PRC1: variants seen among roughly 807,000 people sequenced by gnomAD.
PRC1 encodes anaphase spindle elongation 1 homolog.
PRC1 carries 54 observed loss-of-function variants against 91.2 expected under a neutral mutation model. That is an observed-to-expected ratio of 0.59 (90% CI 0.48 to 0.74). The LOEUF is 0.74. Ranked by LOEUF, PRC1 falls within the 30% of genes least tolerant of loss-of-function variation. PRC1 has a pLI of 0.00. For synonymous variants in PRC1, 275 were observed against 263.6 expected, an observed-to-expected ratio of 1.04 and a Z score of -0.42; for missense variants, 727 against 746.2, an observed-to-expected ratio of 0.97 and a Z score of 0.30.
rs1484637750 is a variant in PRC1 at position 90,974,095 on chromosome 15, C to T, written c.1461+41G>A. ...AGAGGTGGCTGGGACTACCCTCACC[C>T]ACTCCCTTGAAATCAGTGTTTCCCT... On this transcript the variant is annotated intron_variant, in intron 11 of 14. Transcript: ENST00000394249. The surrounding 1 kb of genome is among the most constrained non-coding windows in gnomAD (Gnocchi z 4.6). The T allele has an allele frequency of 6.4e-7, 1 of 1,565,052 alleles. No homozygotes were observed. Among genetic ancestry groups the T allele is most frequent in the Non-Finnish European group, 8.8e-7 (1 of 1,135,934 alleles).
chr15:90,974,492 C>G lies in PRC1; in HGVS notation c.1350+93G>C. On this transcript the variant is annotated intron_variant, in intron 10 of 14. Coordinates refer to ENST00000394249, the MANE Select transcript of PRC1 (RefSeq NM_003981.4). The surrounding 1 kb of genome is among the most constrained non-coding windows in gnomAD (Gnocchi z 4.6). Reference sequence around the variant, plus strand: ...TCCACAAGCCCCGGTCCCCGGCTCCCTGTTCCACAAACCCTGGTCCCCGGC... The same window carrying G: ...TCCACAAGCCCCGGTCCCCGGCTCCGTGTTCCACAAACCCTGGTCCCCGGC... The G allele has an allele frequency of 6.4e-7, 1 of 1,551,228 alleles. No homozygotes were observed. The highest frequency in any genetic ancestry group is 8.8e-7 in the Non-Finnish European group (1 of 1,139,288).
chr15:90,966,398 C>G lies in PRC1; in HGVS notation c.*733G>C. ...AGACTCCCAATGTGGCTGGCAACTG[C>G]GGGGGTAGAAGAACTCAGGCAAAGT... On this transcript the variant is annotated 3_prime_UTR_variant, in exon 15 of 15. Transcript: ENST00000394249. 2.9e-6 allele frequency: 1 copy of G among 340,276 alleles called. No homozygotes were observed. The highest frequency in any genetic ancestry group is 5.9e-6 in the Non-Finnish European group (1 of 168,764). 21.1% of individuals were successfully genotyped at this position (340,276 alleles called of 1,614,324 possible). A position where few individuals can be genotyped will look rare whatever the true frequency, so the allele number is the denominator to read the frequency against.
chr15:90,984,644 C>A lies in PRC1; in HGVS notation c.144+49G>T. 6.2e-7 allele frequency: 1 copy of A among 1,604,930 alleles called. No homozygotes were observed. Among genetic ancestry groups the A allele is most frequent in the African/African-American group, 1.3e-5 (1 of 74,686 alleles). ...CTGTATGCTATCTCGGGTGAGACACCAACATCCTTACCCTGGTCCAATGCA... is the reference window on the plus strand; with the variant it reads ...CTGTATGCTATCTCGGGTGAGACACAAACATCCTTACCCTGGTCCAATGCA... On this transcript the variant is annotated intron_variant, in intron 2 of 14. Coordinates refer to ENST00000394249, the MANE Select transcript of PRC1 (RefSeq NM_003981.4). This position sits in a 1 kb window ranked among gnomAD's most constrained non-coding sequence, Gnocchi z 5.1.
rs2037527547 is a variant in PRC1, at chr15:90,966,757, A to G, written c.*374T>C. 1.2e-5 allele frequency: 5 copies of G among 431,938 alleles called. No individual in the cohort carries two copies. The highest frequency in any genetic ancestry group is 8.7e-5 in the South Asian group (5 of 57,342). The allele number at this position is 431,938 out of a possible 1,614,324, so 26.8% of individuals were successfully genotyped here. A position where few individuals can be genotyped will look rare whatever the true frequency, so the allele number is the denominator to read the frequency against. On this transcript the variant is annotated 3_prime_UTR_variant, in exon 15 of 15. Transcript: ENST00000394249. ...AAGATGTTAATTACTAGTTACAGGT[A>G]TACATGCCAAAATTACCCCCAGGGA...
chr15:90,982,183 T>C (rs2039249269), intron 3 of PRC1: 2 of 591,198 alleles, frequency 3.4e-6, no homozygotes, highest in African/African-American at 1.9e-5. Flanking sequence ...CAGGGTACTT[T>C]TCCCCCCAAT....
chr15:90,981,477 G>A (rs2039188910), intron 5 of PRC1, 22 bp downstream of exon 5: 1 of 1,612,706 alleles, frequency 6.2e-7, no homozygotes, highest in African/African-American at 1.3e-5. Flanking sequence ...AGATCCTAGG[G>A]CATAATTTGA....
At chr15:90,977,637 G>A (rs1008219381) in intron 8 of PRC1, among the ~76,000 whole-genome samples, 1 of 136,454 alleles carries the variant, frequency 7.3e-6, no homozygotes, top group African/African-American at 2.8e-5. Flanking sequence ...AGGCTGGAGT[G>A]CAGTGGTGCG....
At position 90,981,044 on chromosome 15, in the gene PRC1, G is replaced by T. The variant is rs2039154023; in HGVS notation, c.673-11C>A. The T allele has an allele frequency of 6.2e-7, 1 of 1,613,804 alleles. No individual in the cohort carries two copies. The highest frequency in any genetic ancestry group is 8.5e-7 in the Non-Finnish European group (1 of 1,179,976). ...TTTCTGCATTTCCAGCTACAGCATAGAAAGCCAGTGTCACTCACGGCAAAG... is the reference window on the plus strand; with the variant it reads ...TTTCTGCATTTCCAGCTACAGCATATAAAGCCAGTGTCACTCACGGCAAAG... On this transcript the variant is annotated splice_polypyrimidine_tract_variant and intron_variant, in intron 5 of 14. Coordinates refer to ENST00000394249, the MANE Select transcript of PRC1 (RefSeq NM_003981.4).
intron 8 of PRC1, among the ~76,000 whole-genome samples, chr15:90,977,587 T>G (rs1445257602): frequency 1.4e-5 from 2 of 144,360 alleles, no homozygotes; most frequent in African/African-American, 5.2e-5. Context: ...TTTTTTTTTT[T>G]TTTTTTTTTT....
In PRC1 at chr15:90,974,647, C is replaced by G; in HGVS notation, c.1288G>C (p.Glu430Gln). The change falls in exon 10 of 15, where the codon GAG becomes CAG. Residue 430 changes from glutamate to glutamine, a missense_variant. By Grantham distance (29) the Glu-to-Gln change is conservative (BLOSUM62 2). Coordinates refer to ENST00000394249, the MANE Select transcript of PRC1 (RefSeq NM_003981.4). The surrounding 1 kb of genome is among the most constrained non-coding windows in gnomAD (Gnocchi z 4.6). Reference protein sequence around the residue: ...AFMVNGQKFMEYVAEQWEMHR... With the variant: ...AFMVNGQKFMQYVAEQWEMHR... ...ATCTCCCATTGTTCTGCCACATACT[C>G]CATGAATTTCTGCCCATTCACCATA... 1 of 1,614,230 alleles carries G rather than the reference C, an allele frequency of 6.2e-7. No individual in the cohort carries two copies. The highest frequency in any genetic ancestry group is 8.5e-7 in the Non-Finnish European group (1 of 1,180,036).
Position 90,984,282 on chromosome 15 carries a change from G to A in PRC1, c.145-142C>T, listed in dbSNP as rs1018066121. On this transcript the variant is annotated intron_variant, in intron 2 of 14. Transcript: ENST00000394249. The surrounding 1 kb of genome is among the most constrained non-coding windows in gnomAD (Gnocchi z 5.1). ...CTCGCTCTGTTGCCCAGGCTGGAGTGCAATGGCGTGCTTTCGGCTCACTGC... is the reference window on the plus strand; with the variant it reads ...CTCGCTCTGTTGCCCAGGCTGGAGTACAATGGCGTGCTTTCGGCTCACTGC... The A allele has an allele frequency of 6.0e-6, 7 of 1,159,210 alleles. No homozygotes were observed. The African/African-American group carries it at 6.2e-5, about 10-fold the overall frequency. 71.8% of individuals were successfully genotyped at this position (1,159,210 alleles called of 1,614,324 possible).
intron 1 of PRC1, among the ~76,000 whole-genome samples, chr15:90,989,262 T>G (rs2039802430): frequency 6.6e-6 from 1 of 152,174 alleles, no homozygotes; most frequent in South Asian, 2.1e-4. Context: ...TGATTTTTTG[T>G]TTTTTGAGAC....
At chr15:90,980,105 G>A in intron 7 of PRC1, 137 bp downstream of exon 7, 8 of 1,054,542 alleles carry the variant, frequency 7.6e-6, no homozygotes, top group Non-Finnish European at 1.0e-5. Context: ...CCCACTTTTG[G>A]CTGGGTGTGG....
At chr15:90,968,822 G>C (rs74480822) in intron 14 of PRC1, 4 of 1,293,684 alleles carry the variant, frequency 3.1e-6, no homozygotes, top group African/African-American at 3.0e-5. Context: ...GGAGGGTCAA[G>C]GTTTTCTGTT....
At position 90,966,069 on chromosome 15, in the gene PRC1, T is replaced by G. The variant is rs925791173; in HGVS notation, c.*1062A>C. ...TGAAATGTAAGTATACAGATTTTAA[T>G]TTATTTTTAAGAATAATTGTATATT... On this transcript the variant is annotated 3_prime_UTR_variant, in exon 15 of 15. Transcript: ENST00000394249. The G allele has an allele frequency of 2.0e-5, 3 of 152,232 alleles. No homozygotes were observed. Among genetic ancestry groups the G allele is most frequent in the African/African-American group, 7.2e-5 (3 of 41,422 alleles). 9.4% of individuals were successfully genotyped at this position (152,232 alleles called of 1,614,324 possible).
Position 90,981,636 on chromosome 15 carries a change from T to C in PRC1, c.535A>G (p.Arg179Gly). ...GCTTCCATACACAGTATGATCTGTC[T>C]CTTTATACTGACAAACTCCTCACGC... ...SRREEFVSIK[R>G]QIILCMEALD... is the part of the protein sequence containing the mutation. Residue 179 changes from arginine to glycine, a missense_variant, in exon 5 of 15, where the codon AGA becomes GGA. Physicochemically the swap from Arg to Gly is moderately radical, Grantham distance 125 (BLOSUM62 -2). Coordinates refer to ENST00000394249, the MANE Select transcript of PRC1 (RefSeq NM_003981.4). The C allele has an allele frequency of 3.1e-6, 5 of 1,614,150 alleles. No homozygotes were observed. In the South Asian group the frequency reaches 3.3e-5, roughly 11 times the overall value.
chr15:90,974,006 T>C lies in PRC1; in HGVS notation c.1461+130A>G, dbSNP rs1174980172. The C allele has an allele frequency of 4.6e-5, 34 of 732,896 alleles. No individual in the cohort carries two copies. Among genetic ancestry groups the C allele is most frequent in the Non-Finnish European group, 3.5e-5 (15 of 429,684 alleles). 45.4% of individuals were successfully genotyped at this position (732,896 alleles called of 1,614,324 possible). On this transcript the variant is annotated intron_variant, in intron 11 of 14. Transcript: ENST00000394249. This position sits in a 1 kb window ranked among gnomAD's most constrained non-coding sequence, Gnocchi z 4.6. The stretch of plus-strand genomic sequence containing the variant: ...TCTATACTTTGTGTCTTATTTCTTT[T>C]CTCTGTCTCTTGTCCCACCTGATGA...
At chr15:90,983,311 C>A (rs1306981528) in intron 3 of PRC1, among the ~76,000 whole-genome samples, 1 of 152,108 alleles carries the variant, frequency 6.6e-6, no homozygotes, top group East Asian at 1.9e-4. Context: ...TATGGGTGTA[C>A]TCATTGTCTT....
chr15:90,992,838 C>G (rs1940108727), intron 1 of PRC1, among the ~76,000 whole-genome samples: 1 of 151,944 alleles, frequency 6.6e-6, no homozygotes, highest in Non-Finnish European at 1.5e-5. Flanking sequence ...AGGTATCTCA[C>G]AGTGGTCCTT....
Sources: gnomAD v4.1 joint callset for allele counts (sites outside exome capture counted in the v4.1 genomes callset) on GRCh38, gnomAD v4.1.1 for gene constraint, Gnocchi (gnomAD v3.1) non-coding constraint, MANE v1.5 for transcripts, NCBI Gene and HGNC (gene_info 2026-07-23, HGNC 2026-07-21) for gene names.